The following KLF12 variants were observed in gnomAD, a reference collection of about 807,000 sequenced individuals.
KLF12 encodes the protein Krueppel-like factor 12.
A neutral mutation model predicts 37.8 loss-of-function variants in KLF12; 9 were observed. The observed-to-expected ratio is 0.24, with a 90% CI of 0.14 to 0.42. The LOEUF is 0.42. Ranked by LOEUF, KLF12 falls within the 10% of genes least tolerant of loss-of-function variation. KLF12 has a pLI of 1.00. For missense variants in KLF12, 411 were observed against 516.0 expected (o/e 0.80, Z 1.97); for synonymous variants, 208 against 202.1 (o/e 1.03, Z -0.25).
intron 1 of KLF12, among the ~76,000 whole-genome samples, chr13:74,116,455 T>C (rs1472707986): frequency 3.3e-5 from 5 of 152,196 alleles, no homozygotes; most frequent in Non-Finnish European, 7.3e-5. Context: ...CTACTAAGAA[T>C]TTATCCTTAC....
In KLF12 at chr13:73,881,395, A is replaced by C. The variant is rs570878659; in HGVS notation, c.124-35022T>G. ...TGTAATTAATATAAAGGAGCTAAAA[A>C]TTTTCAACTTATTTGCTCAAAAGCA... On this transcript the variant is annotated intron_variant, in intron 3 of 7. Coordinates refer to ENST00000377669, the MANE Select transcript of KLF12 (RefSeq NM_007249.5). Among the ~76,000 whole-genome samples the C allele has an allele frequency of 1.3e-4, 20 of 152,250 alleles. No homozygotes were observed. In the South Asian group the frequency reaches 1.5e-3, roughly 11 times the overall value.
intron 6 of KLF12, among the ~76,000 whole-genome samples, chr13:73,722,477 T>C (rs1233371628): frequency 6.6e-6 from 1 of 152,180 alleles, no homozygotes; most frequent in East Asian, 1.9e-4. Flanking sequence ...GAAAAAGCAG[T>C]GTTTAGATAC....
chr13:73,913,085 T>C (rs541089819), intron 3 of KLF12, among the ~76,000 whole-genome samples: 28 of 152,286 alleles, frequency 1.8e-4, no homozygotes, highest in African/African-American at 6.3e-4. Flanking sequence ...GTATCTGTCT[T>C]CCCCACTAGA....
intron 3 of KLF12, among the ~76,000 whole-genome samples, chr13:73,915,230 T>C (rs528713204): frequency 2.6e-5 from 4 of 152,324 alleles, no homozygotes; most frequent in Admixed American, 2.0e-4. Flanking sequence ...GGATTTCACT[T>C]AGGGCCCGCC....
At chr13:74,240,255 A>G in the KLF12 span, among the ~76,000 whole-genome samples, 5 of 145,854 alleles carry the variant, frequency 3.4e-5, no homozygotes, top group African/African-American at 1.3e-4. Flanking sequence ...TTTCTTTAAG[A>G]ATGTTGAATA....
chr13:73,820,546 T>C (rs1040335788), intron 4 of KLF12, among the ~76,000 whole-genome samples: 4 of 152,222 alleles, frequency 2.6e-5, no homozygotes, highest in African/African-American at 4.8e-5. Context: ...TGTTTCTTGT[T>C]TCCTTTACTT....
chr13:74,295,080 C>T, the KLF12 span, among the ~76,000 whole-genome samples: 1 of 152,172 alleles, frequency 6.6e-6, no homozygotes, highest in Non-Finnish European at 1.5e-5. Flanking sequence ...TGCTTAACTT[C>T]AGAGAGGCAC....
At chr13:73,864,346 T>A (rs1002816252) in intron 3 of KLF12, among the ~76,000 whole-genome samples, 1 of 152,120 alleles carries the variant, frequency 6.6e-6, no homozygotes, top group African/African-American at 2.4e-5. Flanking sequence ...TTATTAGATT[T>A]AAGGATTTAA....
chr13:73,735,381 T>C (rs551164718), intron 6 of KLF12, among the ~76,000 whole-genome samples: 1 of 152,238 alleles, frequency 6.6e-6, no homozygotes, highest in South Asian at 2.1e-4. Flanking sequence ...TTCAATACAA[T>C]GGACAACAAA....
At chr13:73,847,290 T>C (rs536311011) in intron 3 of KLF12, among the ~76,000 whole-genome samples, 1 of 152,290 alleles carries the variant, frequency 6.6e-6, no homozygotes, top group South Asian at 2.1e-4. Flanking sequence ...TTTGGTTACA[T>C]CTGTTTGGCC....
intron 3 of KLF12, among the ~76,000 whole-genome samples, chr13:73,888,300 G>A (rs937146712): frequency 1.4e-4 from 22 of 151,986 alleles, no homozygotes; most frequent in Non-Finnish European, 2.8e-4. Flanking sequence ...CACCGCGCCC[G>A]GCCACAAAAA....
chr13:73,786,757 C>CAAAA (rs10568058), intron 5 of KLF12, among the ~76,000 whole-genome samples: 7,271 of 118,980 alleles, frequency 0.061, 295 homozygotes, highest in East Asian at 0.15. Flanking sequence ...ATTACAAATA[C>CAAAA]AAAAAAAAAA....
intron 1 of KLF12, among the ~76,000 whole-genome samples, chr13:74,112,390 G>GTC (rs1449501976): frequency 9.6e-6 from 1 of 103,722 alleles, no homozygotes; most frequent in Non-Finnish European, 2.1e-5. Flanking sequence ...GATATTGTCT[G>GTC]TGTGTGTGTG....
chr13:74,134,306 G>A (rs917339961), upstream of KLF12, among the ~76,000 whole-genome samples: 1 of 151,824 alleles, frequency 6.6e-6, no homozygotes, highest in African/African-American at 2.4e-5. Flanking sequence ...GGGCGGCGGC[G>A]GGGAGGGGCT....
chr13:74,123,920 A>G (rs559833268), intron 1 of KLF12, among the ~76,000 whole-genome samples: 1 of 152,258 alleles, frequency 6.6e-6, no homozygotes, highest in African/African-American at 2.4e-5. Context: ...CATCAGTTAC[A>G]TGGGTAACAT....
At chr13:74,145,601 T>G in the KLF12 span, among the ~76,000 whole-genome samples, 1 of 152,210 alleles carries the variant, frequency 6.6e-6, no homozygotes, top group Non-Finnish European at 1.5e-5. Context: ...GGGATCCCTA[T>G]CTCTTACAAT....
intron 5 of KLF12, chr13:73,800,572 C>T (rs941421838): frequency 1.3e-5 from 2 of 151,942 alleles, no homozygotes; most frequent in Admixed American, 6.6e-5. Context: ...TGATGTTGGG[C>T]TTAGTCATGT....
chr13:74,148,077 A>C, the KLF12 span, among the ~76,000 whole-genome samples: 1 of 151,658 alleles, frequency 6.6e-6, no homozygotes, highest in Non-Finnish European at 1.5e-5. Context: ...ACACCCAGCT[A>C]ATTTATTTTT....
chr13:74,215,427 CTTTTTTTTTTTT>C, the KLF12 span, among the ~76,000 whole-genome samples: 177 of 60,390 alleles, frequency 2.9e-3, 2 homozygotes, highest in South Asian at 0.094. Flanking sequence ...CCTCTGGGTT[CTTTTTTTTTTTT>C]TTTTTTTTTT....
Sources: gnomAD v4.1 joint callset for allele counts (sites outside exome capture counted in the v4.1 genomes callset) on GRCh38, gnomAD v4.1.1 for gene constraint, MANE v1.5 for transcripts, NCBI Gene and HGNC (gene_info 2026-07-23, HGNC 2026-07-21) for gene names.